The following PCDH15 variants were observed in gnomAD, a reference collection of about 807,000 sequenced individuals.
PCDH15 encodes the protein protocadherin related 15, also known as protocadherin-15.
In PCDH15, 129 loss-of-function variants were observed where a neutral mutation model predicts 178.5. The ratio of observed to expected loss-of-function variants is 0.72; its 90% CI spans 0.63 to 0.84. The LOEUF is 0.84. PCDH15 is among the 40% of genes least tolerant of loss of function. PCDH15 has a pLI of 0.00. For synonymous variants in PCDH15, 800 were observed against 732.0 expected, an observed-to-expected ratio of 1.09 and a Z score of -1.50; for missense variants, 2,230 against 2,099.9, an observed-to-expected ratio of 1.06 and a Z score of -1.21.
At chr10:54,831,126 A>T (rs1383697469) in intron 3 of PCDH15, among the ~76,000 whole-genome samples, 1 of 152,264 alleles carries the variant, frequency 6.6e-6, no homozygotes, top group African/African-American at 2.4e-5. Context: ...ATAATCATTC[A>T]GCGTAGAACA....
rs111796916 is a variant in PCDH15 at position 54,133,058 on chromosome 10, A to C, written c.1785-51T>G. Reference sequence around the variant, plus strand: ...ATGGTTACGAATCTGCATCACATTTAATGTTAGACTGCATTGTTTATTCAG... The same window carrying C: ...ATGGTTACGAATCTGCATCACATTTCATGTTAGACTGCATTGTTTATTCAG... On this transcript the variant is annotated intron_variant, in intron 14 of 37. Transcript: ENST00000644397. 1,966 of 1,611,554 alleles carry C rather than the reference A, an allele frequency of 1.2e-3. 13 individuals carry two copies. The African/African-American group carries it at 0.021, about 17-fold the overall frequency.
chr10:55,051,525 C>T lies in PCDH15; in HGVS notation c.-80+115051G>A, dbSNP rs542847261. The stretch of plus-strand genomic sequence containing the variant: ...ATTAAAAGTAAATCTTTCTTATTCC[C>T]GAATTCCAGTTATCCTATTTTTCTC... On this transcript the variant is annotated intron_variant, in intron 2 of 5. Coordinates refer to the PCDH15 transcript ENST00000458638. Among the ~76,000 whole-genome samples, 8 of 152,092 alleles carry T rather than the reference C, an allele frequency of 5.3e-5. No individual in the cohort carries two copies. In the South Asian group the frequency reaches 6.2e-4, roughly 12 times the overall value.
chr10:53,829,267 G>T (rs996705534), intron 30 of PCDH15, among the ~76,000 whole-genome samples: 2 of 152,018 alleles, frequency 1.3e-5, no homozygotes, highest in African/African-American at 4.8e-5. Context: ...AATTCATATG[G>T]TATTGAGCTG....
intron 3 of PCDH15, among the ~76,000 whole-genome samples, chr10:54,849,688 C>A (rs983947279): frequency 6.6e-6 from 1 of 152,114 alleles, no homozygotes; most frequent in Non-Finnish European, 1.5e-5. Context: ...TATGTTGGTG[C>A]AAATAATTGT....
intron 2 of PCDH15, among the ~76,000 whole-genome samples, chr10:54,926,687 A>G (rs574782751): frequency 2.0e-5 from 3 of 151,920 alleles, no homozygotes; most frequent in African/African-American, 7.2e-5. Flanking sequence ...TTGCGAGGGT[A>G]TATGTGTTCA....
chr10:55,242,766 A>T (rs1224669082), intron 1 of PCDH15, among the ~76,000 whole-genome samples: 1 of 152,100 alleles, frequency 6.6e-6, no homozygotes, highest in Non-Finnish European at 1.5e-5. Flanking sequence ...TGGGCGGATC[A>T]TCTGTGCCCA....
rs555171098 is a variant in PCDH15, at chr10:54,790,918, A to G, written c.-29+10007T>C. Among the ~76,000 whole-genome samples the G allele has an allele frequency of 2.0e-5, 3 of 152,022 alleles. No individual in the cohort carries two copies. The South Asian group carries it at 6.2e-4, about 31-fold the overall frequency. Reference sequence around the variant, plus strand: ...AACATCCTCACAAAGATAAGAAAATATAATTTTAAAAAAGCAAATGACTTA... The same window carrying G: ...AACATCCTCACAAAGATAAGAAAATGTAATTTTAAAAAAGCAAATGACTTA... On this transcript the variant is annotated intron_variant, in intron 1 of 37. Coordinates refer to ENST00000644397, the MANE Select transcript of PCDH15 (RefSeq NM_001384140.1).
At chr10:54,830,751 G>C (rs896918718) in intron 3 of PCDH15, among the ~76,000 whole-genome samples, 1 of 149,996 alleles carries the variant, frequency 6.7e-6, no homozygotes, top group African/African-American at 2.5e-5. Flanking sequence ...TAAAAAAAAA[G>C]GAAACCTCAT....
At chr10:55,263,570 A>C (rs1292663625) in intron 1 of PCDH15, among the ~76,000 whole-genome samples, 1 of 151,922 alleles carries the variant, frequency 6.6e-6, no homozygotes, top group Non-Finnish European at 1.5e-5. Context: ...CACAACCCCA[A>C]AGGGCCAATA....
intron 2 of PCDH15, among the ~76,000 whole-genome samples, chr10:54,950,711 A>G (rs977914365): frequency 3.3e-5 from 5 of 151,960 alleles, no homozygotes; most frequent in Admixed American, 1.3e-4. Context: ...ACTCACTATC[A>G]TGAGAACAGC....
At chr10:54,751,080 T>C (rs58630152) in intron 1 of PCDH15, among the ~76,000 whole-genome samples, 5,359 of 152,168 alleles carry the variant, frequency 0.035, 337 homozygotes, top group African/African-American at 0.12. Context: ...CTCTATAAAG[T>C]AGTAAATTAA....
chr10:54,186,663 G>A (rs1210483605), intron 11 of PCDH15, among the ~76,000 whole-genome samples: 1 of 151,678 alleles, frequency 6.6e-6, no homozygotes, highest in Non-Finnish European at 1.5e-5. Flanking sequence ...AATTCCAACT[G>A]GCGTATTTAT....
intron 15 of PCDH15, among the ~76,000 whole-genome samples, chr10:54,121,996 G>GACACAGACACACACACACACACAC (rs756158522): frequency 3.1e-5 from 3 of 95,854 alleles, no homozygotes; most frequent in South Asian, 3.4e-4. Flanking sequence ...ACCGGGCAAA[G>GACACAGACACACACACACACACAC]ACACATACAC....
At chr10:55,148,208 T>G (rs1838586707) in intron 2 of PCDH15, among the ~76,000 whole-genome samples, 1 of 151,892 alleles carries the variant, frequency 6.6e-6, no homozygotes, top group Non-Finnish European at 1.5e-5. Context: ...ACAAAATTTC[T>G]TACTACATGT....
chr10:54,486,550 T>C (rs1047639087), intron 3 of PCDH15, among the ~76,000 whole-genome samples: 35 of 151,818 alleles, frequency 2.3e-4, no homozygotes, highest in African/African-American at 8.5e-4. Flanking sequence ...AATATGTTCA[T>C]TCTTCCTTTC....
At chr10:53,966,140 A>T (rs1383401810) in intron 21 of PCDH15, among the ~76,000 whole-genome samples, 4 of 152,042 alleles carry the variant, frequency 2.6e-5, no homozygotes, top group South Asian at 2.1e-4. Context: ...CATGTTACAT[A>T]GTGACTACAT....
chr10:54,493,244 C>A (rs560006262), intron 3 of PCDH15, among the ~76,000 whole-genome samples: 1 of 151,792 alleles, frequency 6.6e-6, no homozygotes, highest in Non-Finnish European at 1.5e-5. Flanking sequence ...CTTAGGCATC[C>A]ACTGGGGGTC....
intron 32 of PCDH15, chr10:53,825,223 A>AAAAT: frequency 1.4e-6 from 2 of 1,438,244 alleles, no homozygotes; most frequent in Non-Finnish European, 1.8e-6. Flanking sequence ...AACAATTCTG[A>AAAAT]AAATATGAGC....
At chr10:54,650,295 T>C (rs1291444015) in intron 2 of PCDH15, among the ~76,000 whole-genome samples, 1 of 152,146 alleles carries the variant, frequency 6.6e-6, no homozygotes, top group African/African-American at 2.4e-5. Context: ...ATTTCCCACA[T>C]AATAGTTGAA....
Sources: gnomAD v4.1 joint callset for allele counts (sites outside exome capture counted in the v4.1 genomes callset) on GRCh38, gnomAD v4.1.1 for gene constraint, MANE v1.5 for transcripts, NCBI Gene and HGNC (gene_info 2026-07-23, HGNC 2026-07-21) for gene names.